The following SMC6 variants were observed in gnomAD, a reference collection of about 807,000 sequenced individuals.
The protein encoded by SMC6 is structural maintenance of chromosomes 6.
In SMC6, 79 loss-of-function variants were observed where a neutral mutation model predicts 142.2. The observed-to-expected ratio is 0.56, with a 90% confidence interval of 0.46 to 0.67. The LOEUF (loss-of-function observed/expected upper bound fraction) is 0.67, where lower values mean the gene tolerates loss of function less well. SMC6 is among the 30% of genes least tolerant of loss of function. SMC6 has a pLI of 0.00. For synonymous variants in SMC6, 411 were observed against 412.4 expected (o/e 1.00, Z 0.04); for missense variants, 1,072 against 1,284.0 (o/e 0.83, Z 2.52).
chr2:17,699,900 T>C (rs755827424), intron 21 of SMC6, among the ~76,000 whole-genome samples: 6 of 152,048 alleles, frequency 3.9e-5, no homozygotes, highest in African/African-American at 9.7e-5. Context: ...CACAGAGACA[T>C]TGTACACGTA....
chr2:17,714,065 T>C (rs924276569), intron 16 of SMC6, among the ~76,000 whole-genome samples: 3 of 151,000 alleles, frequency 2.0e-5, no homozygotes, highest in Non-Finnish European at 4.4e-5. Context: ...TGGGAATAGA[T>C]ATATACATTC....
intron 8 of SMC6, among the ~76,000 whole-genome samples, chr2:17,725,679 C>T (rs181758748): frequency 3.9e-4 from 59 of 152,264 alleles, no homozygotes; most frequent in Non-Finnish European, 4.0e-4. Flanking sequence ...AGACTGGCAT[C>T]GTTGGTCTTA....
At chr2:17,666,662 T>C (rs1352174076) in intron 26 of SMC6, 145 bp from the exon 27 acceptor site, 4 of 642,728 alleles carry the variant, frequency 6.2e-6, no homozygotes, top group African/African-American at 3.7e-5. Flanking sequence ...AAATCTATTA[T>C]ACTGGAAAAG....
Position 17,703,272 on chromosome 2 carries a change from T to C in SMC6, c.2027A>G (p.Glu676Gly). The change falls in exon 19 of 28, where the codon GAA (glutamate) becomes GGA (glycine). Residue 676 changes from glutamate (E) to glycine (G), a missense_variant. Glu to Gly is a moderately conservative substitution (Grantham distance 98). This residue lies in a region of SMC6 where 994 missense variants were observed against 1,153.2 expected (regional missense o/e 0.86). Coordinates refer to ENST00000448223, the MANE Select transcript of SMC6 (RefSeq NM_001142286.2). ...SEISDLENEV[E>G]NKTAQILNLQ... ...ATTTAATATCTGGGCCGTCTTATTT[T>C]CAACCTCATTCTCCAAGTCACTTGA... is the stretch of plus-strand genomic sequence containing the variant. 2 of 1,601,550 alleles carry C rather than the reference T, an allele frequency of 1.2e-6. No homozygotes were observed. The highest frequency in any genetic ancestry group is 1.7e-6 in the Non-Finnish European group (2 of 1,175,888).
Position 17,738,291 on chromosome 2 carries a change from C to T in SMC6, c.274G>A (p.Gly92Ser). 2 of 1,613,234 alleles carry T rather than the reference C, an allele frequency of 1.2e-6. No homozygotes were observed. The highest frequency in any genetic ancestry group is 1.7e-6 in the Non-Finnish European group (2 of 1,179,786). ...GTAGCAACTGCTCTTCCACCAAGACCGACTATGAGAGCTGTGAGTACTGCA... is the reference window on the plus strand; with the variant it reads ...GTAGCAACTGCTCTTCCACCAAGACTGACTATGAGAGCTGTGAGTACTGCA... ...KSAVLTALIV[G>S]LGGRAVATNR... Residue 92 changes from glycine (G) to serine (S), a missense_variant, in exon 5 of 28, where the codon GGT (glycine) becomes AGT (serine). Physicochemically the swap from Gly to Ser is moderately conservative, Grantham distance 56. Transcript: ENST00000448223.
intron 5 of SMC6, 125 bp downstream of exon 5, chr2:17,738,096 G>A (rs1428540052): frequency 1.6e-6 from 1 of 635,910 alleles, no homozygotes; most frequent in African/African-American, 1.8e-5. Flanking sequence ...TGAAAAAATA[G>A]GACACCTCTG....
Position 17,716,199 on chromosome 2 carries a change from T to C in SMC6, c.1412A>G (p.Asp471Gly), listed in dbSNP as rs1420632950. 1.2e-6 allele frequency: 2 copies of C among 1,612,682 alleles called. No homozygotes were observed. Among genetic ancestry groups the C allele is most frequent in the Non-Finnish European group, 8.5e-7 (1 of 1,179,596 alleles). Residue 471 changes from aspartate (D) to glycine (G), a missense_variant, in exon 15 of 28, where the codon GAT (aspartate) becomes GGT (glycine). Around this residue, in one of 3 missense-constraint regions of SMC6, gnomAD observed 994 missense variants for 1,153.2 expected, o/e 0.86. Transcript: ENST00000448223. ...YNQRQLKELKDSKTDRLKRFG... is the reference protein window; with the variant it reads ...YNQRQLKELKGSKTDRLKRFG... ...TCTTTTGAGTCGATCAGTTTTACTA[T>C]CTTTCAATTCTTTCAGTTGCCTCTG...
At chr2:17,731,345 G>C (rs1410275271) in intron 6 of SMC6, among the ~76,000 whole-genome samples, 2 of 152,218 alleles carry the variant, frequency 1.3e-5, no homozygotes. Context: ...TGCTTATCTT[G>C]TTCCCACAGC....
chr2:17,708,129 T>C (rs1269013616), intron 17 of SMC6, among the ~76,000 whole-genome samples: 1 of 152,052 alleles, frequency 6.6e-6, no homozygotes, highest in East Asian at 1.9e-4. Context: ...AATCACCTTG[T>C]CCCTTCTCAG....
intron 25 of SMC6, among the ~76,000 whole-genome samples, chr2:17,675,397 G>A (rs916138578): frequency 2.6e-5 from 4 of 151,964 alleles, no homozygotes; most frequent in African/African-American, 9.7e-5. Flanking sequence ...TGATTTAGAC[G>A]GCTGAAACTG....
chr2:17,714,079 TTTTG>T (rs1668958412), intron 16 of SMC6, among the ~76,000 whole-genome samples: 1 of 122,586 alleles, frequency 8.2e-6, no homozygotes. Context: ...TACATTCATT[TTTTG>T]TTTTTTTTGT....
chr2:17,694,245 G>A (rs1295618199), intron 23 of SMC6, among the ~76,000 whole-genome samples: 1 of 152,020 alleles, frequency 6.6e-6, no homozygotes, highest in Non-Finnish European at 1.5e-5. Flanking sequence ...TGGTTAATGG[G>A]TACAACCACG....
intron 2 of SMC6, among the ~76,000 whole-genome samples, chr2:17,750,111 G>A (rs1213983029): frequency 1.3e-5 from 2 of 152,144 alleles, no homozygotes; most frequent in Non-Finnish European, 2.9e-5. Flanking sequence ...GCAAAACCGG[G>A]AAGTATAAAG....
Position 17,753,031 on chromosome 2 carries a change from CAAT to C in SMC6, c.-62_-60del. Reference sequence around the variant, plus strand: ...CTCTACCCTAGAGTCCTGTTTTCCGCAATTCCCAATTGGGATTCTTCTCCGGTT... The same window carrying C: ...CTCTACCCTAGAGTCCTGTTTTCCGCTCCCAATTGGGATTCTTCTCCGGTT... On this transcript the variant is annotated 5_prime_UTR_variant, in exon 2 of 28. Coordinates refer to ENST00000448223, the MANE Select transcript of SMC6 (RefSeq NM_001142286.2). 1.0e-6 allele frequency: 1 copy of C among 985,006 alleles called. No homozygotes were observed. The highest frequency in any genetic ancestry group is 1.7e-5 in the African/African-American group (1 of 57,340). The allele number at this position is 985,006 out of a possible 1,614,324, so 61.0% of individuals were successfully genotyped here.
At chr2:17,708,082 T>C (rs888978609) in intron 17 of SMC6, among the ~76,000 whole-genome samples, 6 of 152,008 alleles carry the variant, frequency 3.9e-5, no homozygotes, top group African/African-American at 1.4e-4. Flanking sequence ...GACTTTTGTC[T>C]TGATTACAGA....
intron 4 of SMC6, 104 bp from the exon 5 acceptor site, chr2:17,738,430 A>C (rs1670264923): frequency 1.5e-6 from 1 of 650,842 alleles, no homozygotes; most frequent in African/African-American, 1.8e-5. Context: ...ACTCACTTTA[A>C]AATAAAATGT....
chr2:17,735,381 A>G (rs911683603), intron 5 of SMC6, among the ~76,000 whole-genome samples: 1 of 152,242 alleles, frequency 6.6e-6, no homozygotes, highest in Non-Finnish European at 1.5e-5. Flanking sequence ...AGCAGTGCAC[A>G]TCAATGAGAA....
At chr2:17,723,175 G>C (rs1669457272) in intron 9 of SMC6, among the ~76,000 whole-genome samples, 1 of 152,036 alleles carries the variant, frequency 6.6e-6, no homozygotes, top group Non-Finnish European at 1.5e-5. Flanking sequence ...CATCTGCCTA[G>C]ATCATTTCAA....
chr2:17,730,808 T>C (rs191880437), intron 7 of SMC6, among the ~76,000 whole-genome samples: 1 of 151,856 alleles, frequency 6.6e-6, no homozygotes, highest in Non-Finnish European at 1.5e-5. Flanking sequence ...GAGATGGGGT[T>C]TCACCATGTT....
Sources: allele counts gnomAD v4.1 joint callset (sites outside exome capture counted in the v4.1 genomes callset), GRCh38; gene constraint gnomAD v4.1.1; regional missense constraint gnomAD v4.1.1; transcripts MANE v1.5; gene names NCBI Gene and HGNC (gene_info 2026-07-23, HGNC 2026-07-21).